The following PLD5 variants were observed in gnomAD, a reference collection of about 807,000 sequenced individuals.
PLD5 encodes phospholipase D family member 5.
PLD5 carries 36 observed loss-of-function variants against 61.1 expected under a neutral mutation model. That is an observed-to-expected ratio of 0.59 (90% CI 0.45 to 0.78). The LOEUF (loss-of-function observed/expected upper bound fraction) is 0.78, where lower values mean the gene tolerates loss of function less well. Ranked by LOEUF, PLD5 falls within the 30% of genes least tolerant of loss-of-function variation. The pLI is 0.00. For synonymous variants in PLD5, 243 were observed against 242.8 expected (o/e 1.00, Z -0.01); for missense variants, 515 against 644.4 (o/e 0.80, Z 2.17).
At chr1:242,202,785 T>G (rs1669062998) in intron 5 of PLD5, among the ~76,000 whole-genome samples, 1 of 152,150 alleles carries the variant, frequency 6.6e-6, no homozygotes, top group Non-Finnish European at 1.5e-5. Context: ...TGTGAGGCAC[T>G]GAATTAGCTG....
intron 1 of PLD5, among the ~76,000 whole-genome samples, chr1:242,513,835 C>G (rs952261363): frequency 1.6e-4 from 24 of 152,228 alleles, no homozygotes; most frequent in African/African-American, 5.5e-4. Flanking sequence ...ACATCCGTGG[C>G]ACTCAATAAA....
At chr1:242,463,067 T>G (rs974503857) in intron 1 of PLD5, among the ~76,000 whole-genome samples, 1 of 152,190 alleles carries the variant, frequency 6.6e-6, no homozygotes, top group Non-Finnish European at 1.5e-5. Flanking sequence ...GCGAACGCTC[T>G]GTAATGTCAA....
chr1:242,284,933 A>G lies in PLD5; in HGVS notation c.495+3429T>C, dbSNP rs558423585. On this transcript the variant is annotated intron_variant, in intron 3 of 9. Transcript: ENST00000536534. ...AAGAGGCAAAGCAAAATTAGGCTCA[A>G]AACTACAGAAAACCAGCTGGTTTTA... Among the ~76,000 whole-genome samples the G allele has an allele frequency of 4.3e-3, 660 of 152,322 alleles. 3 individuals are homozygous for G. The highest frequency in any genetic ancestry group is 6.2e-3 in the Non-Finnish European group (423 of 68,020).
chr1:242,472,454 T>A (rs942504352), intron 1 of PLD5, among the ~76,000 whole-genome samples: 2 of 152,238 alleles, frequency 1.3e-5, no homozygotes, highest in African/African-American at 4.8e-5. Context: ...GATCCTACAA[T>A]GTCTGTCTCT....
At chr1:242,287,428 C>T (rs537711617) in intron 3 of PLD5, among the ~76,000 whole-genome samples, 1 of 152,168 alleles carries the variant, frequency 6.6e-6, no homozygotes, top group East Asian at 1.9e-4. Context: ...GTGTAGAACA[C>T]AGTTAGTAAA....
chr1:242,140,105 C>T (rs1037832287), intron 5 of PLD5, among the ~76,000 whole-genome samples: 5 of 152,168 alleles, frequency 3.3e-5, no homozygotes, highest in Admixed American at 2.6e-4. Flanking sequence ...CAGCATGATG[C>T]CATCTTGAAG....
chr1:242,278,290 A>T (rs1384904845), intron 3 of PLD5, among the ~76,000 whole-genome samples: 2 of 152,240 alleles, frequency 1.3e-5, no homozygotes, highest in Admixed American at 6.5e-5. Flanking sequence ...GCAAACTCAG[A>T]TAAGACAATC....
chr1:242,426,187 C>T (rs988038226), intron 1 of PLD5, among the ~76,000 whole-genome samples: 2 of 151,954 alleles, frequency 1.3e-5, no homozygotes, highest in Non-Finnish European at 2.9e-5. Flanking sequence ...TGTCTTCCAC[C>T]TCCACATCTT....
At chr1:242,198,070 C>CTGAATGAATGAATGAA (rs58830670) in intron 5 of PLD5, among the ~76,000 whole-genome samples, 127 of 150,500 alleles carry the variant, frequency 8.4e-4, no homozygotes, top group African/African-American at 2.1e-3. Context: ...CAAATCCTTG[C>CTGAATGAATGAATGAA]TGAATGAATG....
chr1:242,449,271 C>T, intron 1 of PLD5: 1 of 1,512,356 alleles, frequency 6.6e-7, no homozygotes, highest in Non-Finnish European at 8.9e-7. Context: ...CTCATGCTAC[C>T]AACAGCCATT....
intron 4 of PLD5, among the ~76,000 whole-genome samples, chr1:242,259,612 A>G (rs947573637): frequency 3.9e-5 from 6 of 152,114 alleles, no homozygotes; most frequent in Admixed American, 3.9e-4. Flanking sequence ...CTTAACTTCT[A>G]GGTCACTGAT....
At chr1:242,235,470 T>G (rs1225801817) in intron 4 of PLD5, 1 of 152,210 alleles carries the variant, frequency 6.6e-6, no homozygotes, top group Non-Finnish European at 1.5e-5. Flanking sequence ...TAAGTCTTCA[T>G]TCAGTCTGAG....
chr1:242,454,272 G>T (rs1666877075), intron 1 of PLD5, among the ~76,000 whole-genome samples: 1 of 151,598 alleles, frequency 6.6e-6, no homozygotes, highest in African/African-American at 2.4e-5. Context: ...GGCAGAGGCT[G>T]CAGTGAGCCG....
intron 2 of PLD5, among the ~76,000 whole-genome samples, chr1:242,345,342 G>T (rs3905160): frequency 1.3e-5 from 2 of 152,302 alleles, no homozygotes; most frequent in South Asian, 4.1e-4. Context: ...TTCAAAGTCC[G>T]TGGTTGTTAA....
At chr1:242,231,909 G>A (rs1212044623) in intron 4 of PLD5, among the ~76,000 whole-genome samples, 1 of 150,160 alleles carries the variant, frequency 6.7e-6, no homozygotes, top group Non-Finnish European at 1.5e-5. Flanking sequence ...AAGTCTCAGA[G>A]GGAGTAAAAG....
At chr1:242,335,491 G>A (rs187670608) in intron 2 of PLD5, among the ~76,000 whole-genome samples, 166 of 152,276 alleles carry the variant, frequency 1.1e-3, no homozygotes, top group African/African-American at 3.6e-3. Flanking sequence ...ACTAAATAAT[G>A]TGAAAATCAA....
At chr1:242,440,899 T>A (rs1307852273) in intron 1 of PLD5, among the ~76,000 whole-genome samples, 1 of 152,206 alleles carries the variant, frequency 6.6e-6, no homozygotes, top group East Asian at 1.9e-4. Context: ...ACTGTATGGA[T>A]GAAATACAAA....
chr1:242,091,582 A>G (rs563466803), intron 9 of PLD5, among the ~76,000 whole-genome samples: 3 of 152,340 alleles, frequency 2.0e-5, no homozygotes, highest in Admixed American at 2.0e-4. Context: ...CGGGATAGCT[A>G]TAGTTATGCT....
intron 1 of PLD5, among the ~76,000 whole-genome samples, chr1:242,427,999 C>T (rs188918687): frequency 6.6e-6 from 1 of 152,162 alleles, no homozygotes; most frequent in Non-Finnish European, 1.5e-5. Context: ...AGCTGATTCC[C>T]TTATGAGCTT....
Sources: allele counts gnomAD v4.1 joint callset (sites outside exome capture counted in the v4.1 genomes callset), GRCh38; gene constraint gnomAD v4.1.1; transcripts MANE v1.5; gene names NCBI Gene and HGNC (gene_info 2026-07-23, HGNC 2026-07-21).